The following NPRL3 variants were observed in gnomAD, a reference collection of about 807,000 sequenced individuals.
The protein encoded by NPRL3 is GATOR1 complex protein NPRL3.
Under a neutral mutation model 57.2 loss-of-function variants are expected in NPRL3, and 23 were observed. The observed-to-expected ratio is 0.40, with a 90% confidence interval of 0.29 to 0.57. The LOEUF is 0.57. Ranked by LOEUF, NPRL3 falls within the 20% of genes least tolerant of loss-of-function variation. The probability of loss-of-function intolerance (pLI) is 0.42; values close to 1 mark genes in which losing one functional copy is unlikely to be tolerated. For synonymous variants in NPRL3, 333 were observed against 321.1 expected, an observed-to-expected ratio of 1.04 and a Z score of -0.39; for missense variants, 691 against 767.1, an observed-to-expected ratio of 0.90 and a Z score of 1.17.
In NPRL3 at chr16:114,284, C is replaced by T. The variant is rs184674903; in HGVS notation, c.394-1509G>A. Among the ~76,000 whole-genome samples the T allele has an allele frequency of 4.6e-5, 7 of 152,186 alleles. No individual in the cohort carries two copies. In the East Asian group the frequency reaches 9.7e-4, roughly 21 times the overall value. On this transcript the variant is annotated intron_variant, in intron 5 of 13. Transcript: ENST00000611875. ...CACTCATGGGGTGTCCCAGCATGTC[C>T]GGTTTGCAAAGGCCTGACATGGAGT...
chr16:113,315 A>T (rs986123348), intron 5 of NPRL3, among the ~76,000 whole-genome samples: 8 of 152,214 alleles, frequency 5.3e-5, no homozygotes, highest in African/African-American at 1.9e-4. Flanking sequence ...CACCAGGCCA[A>T]TTGTTCACTG....
At chr16:95,216 A>G (rs1898935393) in intron 9 of NPRL3, among the ~76,000 whole-genome samples, 2 of 151,918 alleles carry the variant, frequency 1.3e-5, no homozygotes, top group South Asian at 4.2e-4. Context: ...ACATTCATAG[A>G]TTTTGGGGAT....
At chr16:108,970 T>TGCTTGTCCACATTTAATAAAGG (rs1899658927) in intron 7 of NPRL3, among the ~76,000 whole-genome samples, 1 of 148,256 alleles carries the variant, frequency 6.7e-6, no homozygotes, top group Non-Finnish European at 1.5e-5. Flanking sequence ...GCGCCCGGCC[T>TGCTTGTCCACATTTAATAAAGG]TTTTTTTTTC....
chr16:85,446 G>T lies in NPRL3; in HGVS notation c.*1259C>A, dbSNP rs1898407961. The T allele has an allele frequency of 1.9e-6, 3 of 1,612,794 alleles. No individual in the cohort carries two copies. Among genetic ancestry groups the T allele is most frequent in the Non-Finnish European group, 2.5e-6 (3 of 1,179,918 alleles). On this transcript the variant is annotated 3_prime_UTR_variant, in exon 14 of 14. Transcript: ENST00000611875. The stretch of plus-strand genomic sequence containing the variant: ...CTGCGAGCACTGGAGCCCCTGGAAG[G>T]TCTGGAGACCATGCGTCAGCTTCGC...
At chr16:89,505 G>C in intron 12 of NPRL3, 2 of 521,658 alleles carry the variant, frequency 3.8e-6, no homozygotes, top group Non-Finnish European at 6.6e-6. Context: ...GCCTGCTGAA[G>C]AGCCCGGAGA....
At chr16:102,674 T>G (rs534310702) in intron 7 of NPRL3, among the ~76,000 whole-genome samples, 1 of 152,206 alleles carries the variant, frequency 6.6e-6, no homozygotes, top group East Asian at 1.9e-4. Context: ...CACACCCACA[T>G]CCGGCTAAGT....
At chr16:108,419 G>A (rs577651562) in intron 7 of NPRL3, among the ~76,000 whole-genome samples, 1 of 152,150 alleles carries the variant, frequency 6.6e-6, no homozygotes, top group East Asian at 1.9e-4. Flanking sequence ...TGTTGCTGGT[G>A]GGACAGAGGT....
intron 6 of NPRL3, among the ~76,000 whole-genome samples, chr16:111,998 T>C (rs1384364028): frequency 6.6e-6 from 1 of 152,216 alleles, no homozygotes; most frequent in Non-Finnish European, 1.5e-5. Context: ...ATGTTCTGTC[T>C]GCAAAAATTA....
Position 86,713 on chromosome 16 carries a change from G to T in NPRL3, c.1702C>A (p.Leu568Ile). Residue 568 changes from leucine to isoleucine, a missense_variant, in exon 14 of 14, where the codon CTC becomes ATC. By Grantham distance (5) the Leu-to-Ile change is conservative (BLOSUM62 2). Transcript: ENST00000611875. ...CCGCCCTCCGCCTGGGCTCAGGGGA[G>T]CAGAGCCTGGAAGACGGCAATGACA... is the stretch of plus-strand genomic sequence containing the variant. Reference protein sequence around the residue: ...DPVIAVFQALLP With the variant: ...DPVIAVFQALIP 1 of 1,555,506 alleles carries T rather than the reference G, an allele frequency of 6.4e-7. No individual in the cohort carries two copies.
intron 5 of NPRL3, among the ~76,000 whole-genome samples, chr16:115,974 G>C (rs1900015921): frequency 6.6e-6 from 1 of 152,140 alleles, no homozygotes; most frequent in Admixed American, 6.6e-5. Flanking sequence ...CTTTATTCTT[G>C]CTGAGAACAA....
chr16:108,316 C>G (rs182281708), intron 7 of NPRL3, among the ~76,000 whole-genome samples: 2 of 152,162 alleles, frequency 1.3e-5, no homozygotes, highest in Non-Finnish European at 2.9e-5. Context: ...TAAAGCTACA[C>G]AGAGATCCCA....
chr16:87,017 C>G, intron 13 of NPRL3, 147 bp from the exon 14 acceptor site: 1 of 812,520 alleles, frequency 1.2e-6, no homozygotes. Flanking sequence ...CACCACAGCC[C>G]CCCAACAAGG....
At chr16:89,038 C>A in intron 12 of NPRL3, 148 bp from the exon 13 acceptor site, 1 of 719,916 alleles carries the variant, frequency 1.4e-6, no homozygotes, top group Non-Finnish European at 2.3e-6. Flanking sequence ...CGCTGCTGCC[C>A]CACCTCCTGG....
intron 7 of NPRL3, among the ~76,000 whole-genome samples, chr16:104,186 G>T (rs991593671): frequency 6.6e-6 from 1 of 151,616 alleles, no homozygotes; most frequent in African/African-American, 2.4e-5. Context: ...CCAGCTACTT[G>T]GTAGGCTGAG....
chr16:123,853 T>C (rs1295618505), intron 3 of NPRL3, among the ~76,000 whole-genome samples: 1 of 135,744 alleles, frequency 7.4e-6, no homozygotes, highest in Non-Finnish European at 1.6e-5. Flanking sequence ...CTCCCCACGC[T>C]GAGAAAGAGG....
At chr16:94,073 G>T (rs949058167) in intron 9 of NPRL3, among the ~76,000 whole-genome samples, 12 of 8,468 alleles carry the variant, frequency 1.4e-3, no homozygotes, top group African/African-American at 6.2e-3. Context: ...TAAAACTCCA[G>T]CATGGCCTTG....
Position 92,638 on chromosome 16 carries a change from G to A in NPRL3, c.1119C>T (p.Ser373=). 6.2e-7 allele frequency: 1 copy of A among 1,613,746 alleles called. No individual in the cohort carries two copies. Among genetic ancestry groups the A allele is most frequent in the Non-Finnish European group, 8.5e-7 (1 of 1,179,776 alleles). The stretch of plus-strand genomic sequence containing the variant: ...CCAGGGGATTCCTAAATTCTGACAA[G>A]GAGACCGGCAAGGAGAACTTGGCAA... ...SVLAKFSLPV[S]LSEFRNPLAP... is the part of the protein sequence containing the mutation. Residue 373 remains serine, a synonymous_variant, in exon 11 of 14, where the codon TCC becomes TCT. Coordinates refer to ENST00000611875, the MANE Select transcript of NPRL3 (RefSeq NM_001077350.3).
chr16:131,062 C>T (rs536922091), intron 2 of NPRL3, among the ~76,000 whole-genome samples: 25 of 152,370 alleles, frequency 1.6e-4, no homozygotes, highest in Admixed American at 3.3e-4. Flanking sequence ...TGATAAGGCA[C>T]GGTGGCCCGT....
At position 130,624 on chromosome 16, in the gene NPRL3, G is replaced by T. The variant is rs575983840; in HGVS notation, c.119-33C>A. 1.7e-5 allele frequency: 27 copies of T among 1,548,962 alleles called. No individual in the cohort carries two copies. In the African/African-American group the frequency reaches 3.0e-4, roughly 17 times the overall value. ...GGGGCGAAAAGAGGGGAAGGGCTAAGAAAACAGGGTCCTTCCACACACAGG... is the reference window on the plus strand; with the variant it reads ...GGGGCGAAAAGAGGGGAAGGGCTAATAAAACAGGGTCCTTCCACACACAGG... On this transcript the variant is annotated intron_variant, in intron 2 of 13. Transcript: ENST00000611875.
Sources: gnomAD v4.1 joint callset for allele counts (sites outside exome capture counted in the v4.1 genomes callset) on GRCh38, gnomAD v4.1.1 for gene constraint, MANE v1.5 for transcripts, NCBI Gene and HGNC (gene_info 2026-07-23, HGNC 2026-07-21) for gene names.